Variants in SEMA3A observed in about 807,000 individuals in gnomAD.
SEMA3A encodes semaphorin 3A.
SEMA3A carries 29 observed loss-of-function variants against 97.9 expected under a neutral mutation model. That is an observed-to-expected ratio of 0.30 (90% CI 0.22 to 0.40). The LOEUF (loss-of-function observed/expected upper bound fraction) is 0.40, where lower values mean the gene tolerates loss of function less well. Ranked by LOEUF, SEMA3A falls within the 10% of genes least tolerant of loss-of-function variation. SEMA3A has a pLI of 1.00. For missense variants in SEMA3A, 763 were observed against 951.3 expected (o/e 0.80, Z 2.60); for synonymous variants, 321 against 323.7 (o/e 0.99, Z 0.09).
chr7:84,481,040 G>A (rs1357630817), intron 1 of SEMA3A, among the ~76,000 whole-genome samples: 1 of 152,162 alleles, frequency 6.6e-6, no homozygotes, highest in African/African-American at 2.4e-5. Context: ...AAGAAAGGTA[G>A]AGAAGTTACC....
intron 1 of SEMA3A, among the ~76,000 whole-genome samples, chr7:84,480,001 G>A (rs568078095): frequency 6.6e-6 from 1 of 152,136 alleles, no homozygotes; most frequent in African/African-American, 2.4e-5. Flanking sequence ...GTTAATATAA[G>A]GGTCTAAAGT....
chr7:84,015,785 G>A (rs778886159), intron 6 of SEMA3A, among the ~76,000 whole-genome samples: 2 of 152,056 alleles, frequency 1.3e-5, no homozygotes, highest in South Asian at 4.2e-4. Flanking sequence ...ATTTGCTCTG[G>A]GACCATGCAT....
At chr7:84,039,392 G>A (rs78218370) in intron 6 of SEMA3A, among the ~76,000 whole-genome samples, 29,056 of 151,952 alleles carry the variant, frequency 0.19, 3,016 homozygotes, top group East Asian at 0.41. Flanking sequence ...TTCATATATC[G>A]TAGGGTAAGA....
chr7:84,027,770 C>T (rs1186440229), intron 6 of SEMA3A, among the ~76,000 whole-genome samples: 1 of 152,054 alleles, frequency 6.6e-6, no homozygotes, highest in Non-Finnish European at 1.5e-5. Flanking sequence ...TGACCATGAG[C>T]AAGTTAACAT....
At position 84,245,408 on chromosome 7, in the gene SEMA3A, T is replaced by G. The variant is rs189408268; in HGVS notation, c.-82-50740A>C. Among the ~76,000 whole-genome samples, 71 of 152,172 alleles carry G rather than the reference T, an allele frequency of 4.7e-4. No individual in the cohort carries two copies. In the East Asian group the frequency reaches 9.0e-3, roughly 19 times the overall value. ...GCTATTGATACTTGTGTATGCTTCA[T>G]GAAGTTATCGTGCTGTGTTTTTCGG... On this transcript the variant is annotated intron_variant, in intron 3 of 3. Transcript: ENST00000424555.
At chr7:84,254,223 T>C (rs1185356801) in intron 3 of SEMA3A, among the ~76,000 whole-genome samples, 2 of 152,154 alleles carry the variant, frequency 1.3e-5, no homozygotes, top group Admixed American at 6.5e-5. Flanking sequence ...ATTTGGTTAC[T>C]TAGGTTGAAT....
intron 1 of SEMA3A, among the ~76,000 whole-genome samples, chr7:84,399,990 C>A (rs578225209): frequency 6.6e-6 from 1 of 152,290 alleles, no homozygotes; most frequent in South Asian, 2.1e-4. Flanking sequence ...CCCTGGGAAC[C>A]TAGGGAAATC....
At chr7:84,093,677 TC>T (rs1025499551) in intron 4 of SEMA3A, among the ~76,000 whole-genome samples, 82 of 152,180 alleles carry the variant, frequency 5.4e-4, no homozygotes, top group African/African-American at 1.8e-3. Flanking sequence ...GCCATAATCC[TC>T]AGCAAACTAA....
chr7:84,023,016 C>A (rs1357578020), intron 6 of SEMA3A, among the ~76,000 whole-genome samples: 2 of 152,176 alleles, frequency 1.3e-5, no homozygotes, highest in African/African-American at 2.4e-5. Context: ...ACCTTTACCA[C>A]CCCCTTGACA....
chr7:84,240,568 A>T (rs781012167), intron 3 of SEMA3A, among the ~76,000 whole-genome samples: 1 of 152,190 alleles, frequency 6.6e-6, no homozygotes, highest in South Asian at 2.1e-4. Flanking sequence ...CAAGGAAGAG[A>T]TTATCCCTTA....
intron 1 of SEMA3A, among the ~76,000 whole-genome samples, chr7:84,372,823 C>T (rs751188526): frequency 7.2e-5 from 11 of 152,132 alleles, no homozygotes; most frequent in Non-Finnish European, 1.5e-4. Flanking sequence ...ATTACTGGCA[C>T]TACTTCTCAC....
intron 1 of SEMA3A, among the ~76,000 whole-genome samples, chr7:84,148,777 C>T (rs2116105020): frequency 6.6e-6 from 1 of 152,248 alleles, no homozygotes; most frequent in African/African-American, 2.4e-5. Flanking sequence ...CAAGAAGCCG[C>T]TAAGATGAAA....
At chr7:84,326,208 C>T (rs1478283437) in intron 2 of SEMA3A, among the ~76,000 whole-genome samples, 1 of 152,072 alleles carries the variant, frequency 6.6e-6, no homozygotes, top group African/African-American at 2.4e-5. Flanking sequence ...ATTTAGAGAG[C>T]TTTTACAATA....
chr7:84,251,254 T>A (rs1442428775), intron 3 of SEMA3A, among the ~76,000 whole-genome samples: 1 of 152,208 alleles, frequency 6.6e-6, no homozygotes. Context: ...TTGGTTAAAA[T>A]GAAAAATGTC....
At chr7:83,984,230 C>A (rs1159690326) in intron 13 of SEMA3A, among the ~76,000 whole-genome samples, 3 of 152,064 alleles carry the variant, frequency 2.0e-5, no homozygotes, top group Admixed American at 2.0e-4. Context: ...AAGAATATCC[C>A]AGTCTAGCTT....
intron 15 of SEMA3A, among the ~76,000 whole-genome samples, chr7:83,974,672 T>C (rs754710135): frequency 9.9e-5 from 15 of 152,194 alleles, no homozygotes; most frequent in Non-Finnish European, 2.1e-4. Context: ...CACTGATTCC[T>C]AATGGTAAGA....
intron 4 of SEMA3A, among the ~76,000 whole-genome samples, chr7:84,069,770 G>A (rs902147147): frequency 2.0e-5 from 3 of 151,932 alleles, no homozygotes; most frequent in Admixed American, 6.6e-5. Context: ...ATAAAACAGC[G>A]TCCTCTTTAA....
At chr7:83,968,048 T>TATAAATGGCAGC (rs1788775322) in intron 15 of SEMA3A, among the ~76,000 whole-genome samples, 2 of 152,190 alleles carry the variant, frequency 1.3e-5, no homozygotes, top group South Asian at 4.1e-4. Context: ...CAGCCGTACA[T>TATAAATGGCAGC]ATAAATGGCA....
At chr7:84,432,129 A>C (rs1161097907) in intron 1 of SEMA3A, among the ~76,000 whole-genome samples, 4 of 152,038 alleles carry the variant, frequency 2.6e-5, no homozygotes, top group African/African-American at 7.2e-5. Flanking sequence ...ATAATAGATA[A>C]GAAAAATCCA....
Sources: gnomAD v4.1 joint callset for allele counts (sites outside exome capture counted in the v4.1 genomes callset) on GRCh38, gnomAD v4.1.1 for gene constraint, MANE v1.5 for transcripts, NCBI Gene and HGNC (gene_info 2026-07-23, HGNC 2026-07-21) for gene names.